GRIK4: variants seen among roughly 807,000 people sequenced by gnomAD.
GRIK4 encodes the protein glutamate receptor ionotropic, kainate 4.
A neutral mutation model predicts 104.9 loss-of-function variants in GRIK4; 40 were observed. The observed-to-expected ratio is 0.38, with a 90% CI of 0.30 to 0.50. The LOEUF (loss-of-function observed/expected upper bound fraction) is 0.50. GRIK4 is among the 20% of genes least tolerant of loss of function. GRIK4 has a pLI of 0.93. For synonymous variants in GRIK4, 485 were observed against 524.9 expected, an observed-to-expected ratio of 0.92 and a Z score of 1.04; for missense variants, 1,047 against 1,308.1, an observed-to-expected ratio of 0.80 and a Z score of 3.08.
chr11:120,528,313 G>A (rs1056693328), intron 1 of GRIK4, among the ~76,000 whole-genome samples: 2 of 152,108 alleles, frequency 1.3e-5, no homozygotes, highest in Non-Finnish European at 2.9e-5. Flanking sequence ...GGGTTTCACA[G>A]TGTTAGCCAG....
chr11:120,539,181 G>T (rs1356344568), intron 1 of GRIK4, among the ~76,000 whole-genome samples: 1 of 152,148 alleles, frequency 6.6e-6, no homozygotes, highest in Non-Finnish European at 1.5e-5. Flanking sequence ...GGGAGGAGAG[G>T]ACAGCCTCTT....
intron 13 of GRIK4, among the ~76,000 whole-genome samples, chr11:120,917,269 A>AAAAAAGAAAG (rs1463389337): frequency 4.3e-5 from 6 of 138,362 alleles, no homozygotes; most frequent in African/African-American, 1.8e-4. Context: ...AAAAAAAAAA[A>AAAAAAGAAAG]AAAGAAAGAA....
chr11:120,741,601 C>G (rs1478071064), intron 3 of GRIK4, among the ~76,000 whole-genome samples: 1 of 152,156 alleles, frequency 6.6e-6, no homozygotes, highest in African/African-American at 2.4e-5. Context: ...CTTAACCACA[C>G]TGTGCAATGC....
At chr11:120,578,810 C>G (rs145658123) in intron 1 of GRIK4, among the ~76,000 whole-genome samples, 1 of 152,200 alleles carries the variant, frequency 6.6e-6, no homozygotes, top group Non-Finnish European at 1.5e-5. Context: ...CTATGTCGTC[C>G]CGCTTCCTCA....
chr11:120,898,220 C>T (rs1401953417), intron 11 of GRIK4, among the ~76,000 whole-genome samples: 2 of 152,212 alleles, frequency 1.3e-5, no homozygotes, highest in Non-Finnish European at 2.9e-5. Flanking sequence ...AATGTGATTC[C>T]ACATGTTCCA....
chr11:120,544,459 T>C (rs1948066247), intron 1 of GRIK4, among the ~76,000 whole-genome samples: 1 of 152,172 alleles, frequency 6.6e-6, no homozygotes, highest in East Asian at 1.9e-4. Context: ...GCCTCCTGAG[T>C]AGCTGGGATT....
Position 120,944,883 on chromosome 11 carries a change from T to A in GRIK4, c.1590+4423T>A, listed in dbSNP as rs78537781. Among the ~76,000 whole-genome samples, 581 of 151,394 alleles carry A rather than the reference T, an allele frequency of 3.8e-3. 3 individuals carry two copies. Among genetic ancestry groups the A allele is most frequent in the African/African-American group, 0.013 (549 of 41,408 alleles). ...GTGCAAAATTAAATGAGAATACATA[T>A]GTAATACACTCATAGCAGTGCCTGA... On this transcript the variant is annotated intron_variant, in intron 14 of 20. Transcript: ENST00000527524.
At chr11:120,849,220 A>G (rs528062368) in intron 8 of GRIK4, among the ~76,000 whole-genome samples, 1 of 152,262 alleles carries the variant, frequency 6.6e-6, no homozygotes, top group East Asian at 1.9e-4. Flanking sequence ...TGGGTGCATC[A>G]GACTGTGCAT....
intron 9 of GRIK4, chr11:120,870,100 G>A (rs1458225142): frequency 6.6e-6 from 1 of 152,238 alleles, no homozygotes; most frequent in East Asian, 1.9e-4. Flanking sequence ...TGAGAAGCAA[G>A]CCCCTCATTC....
At chr11:120,876,604 T>C (rs953912328) in intron 11 of GRIK4, among the ~76,000 whole-genome samples, 6 of 151,814 alleles carry the variant, frequency 4.0e-5, no homozygotes, top group Non-Finnish European at 8.8e-5. Flanking sequence ...CCCTACAAAA[T>C]AGATACTTTT....
intron 9 of GRIK4, chr11:120,873,443 C>T (rs1305588676): frequency 6.6e-6 from 1 of 152,406 alleles, no homozygotes. Context: ...TCTCATGTTC[C>T]TCTTGTTTGT....
Position 120,644,011 on chromosome 11 carries a change from C to CTGTGTGTGTGTGTGTG in GRIK4, c.-158-9655_-158-9640dup, listed in dbSNP as rs369374873. Among the ~76,000 whole-genome samples, 179 of 122,914 alleles carry CTGTGTGTGTGTGTGTG rather than the reference C, an allele frequency of 1.5e-3. 1 individual carries two copies. Among genetic ancestry groups the CTGTGTGTGTGTGTGTG allele is most frequent in the African/African-American group, 5.3e-3 (141 of 26,558 alleles). The allele number at this position is 122,914 out of a possible 152,430, so 80.6% of individuals were successfully genotyped here. On this transcript the variant is annotated intron_variant, in intron 1 of 20. Transcript: ENST00000527524. ...ATGACAAGTTTCCAGGGGAGAGGGT[C>CTGTGTGTGTGTGTGTG]TGTGTGTGTGTGTGTGTGTGTGTGT...
chr11:120,759,166 C>CAAG (rs1951702394), intron 3 of GRIK4, among the ~76,000 whole-genome samples: 1 of 152,164 alleles, frequency 6.6e-6, no homozygotes, highest in Admixed American at 6.5e-5. Context: ...GCCAGGCAAG[C>CAAG]AAGAGCTGGG....
rs576578335 is a variant in GRIK4, at chr11:120,704,510, G to A, written c.82+44110G>A. ...CTTCGAAGCCTGCACGTAATTTACA[G>A]TCTCATTCCTTCTGTTTCTCAAGTG... On this transcript the variant is annotated intron_variant, in intron 3 of 20. Coordinates refer to ENST00000527524, the MANE Select transcript of GRIK4 (RefSeq NM_014619.5). 3.3e-5 allele frequency among the ~76,000 whole-genome samples: 5 copies of A among 152,334 alleles called. No individual in the cohort carries two copies. In the East Asian group the frequency reaches 9.6e-4, roughly 29 times the overall value.
intron 1 of GRIK4, among the ~76,000 whole-genome samples, chr11:120,541,815 G>A (rs1229358363): frequency 6.6e-6 from 1 of 152,068 alleles, no homozygotes; most frequent in Non-Finnish European, 1.5e-5. Flanking sequence ...GAAGATAAAC[G>A]GAAAGGTATC....
intron 13 of GRIK4, among the ~76,000 whole-genome samples, chr11:120,922,324 T>G (rs924446027): frequency 6.6e-6 from 1 of 152,168 alleles, no homozygotes; most frequent in Non-Finnish European, 1.5e-5. Flanking sequence ...CAGTGTGTTC[T>G]CCTGACTGCT....
At position 120,514,427 on chromosome 11, in the gene GRIK4, T is replaced by C. The variant is rs533389601; in HGVS notation, c.-159+2540T>C. On this transcript the variant is annotated intron_variant, in intron 1 of 20. Transcript: ENST00000527524. ...GATGCCTCATCCAAGGCTCCACAGC[T>C]GGGTCCCAGGCCCCTGGACGCTCAG... Among the ~76,000 whole-genome samples, 7 of 152,340 alleles carry C rather than the reference T, an allele frequency of 4.6e-5. No individual in the cohort carries two copies. In the East Asian group the frequency reaches 1.2e-3, roughly 25 times the overall value.
In GRIK4 at chr11:120,883,863, G is replaced by A. The variant is rs11218043; in HGVS notation, c.1164+8620G>A. Among the ~76,000 whole-genome samples, 542 of 152,238 alleles carry A rather than the reference G, an allele frequency of 3.6e-3. 4 individuals are homozygous for A. Among genetic ancestry groups the A allele is most frequent in the African/African-American group, 0.012 (483 of 41,526 alleles). ...TGCCAGTTCCCAGTGACTCTTTTCC[G>A]TGCCTCTTCAGCCAGCTCATGCCTG... is the stretch of plus-strand genomic sequence containing the variant. On this transcript the variant is annotated intron_variant, in intron 11 of 20. Transcript: ENST00000527524.
chr11:120,838,409 T>C (rs1249936320), intron 8 of GRIK4, among the ~76,000 whole-genome samples: 1 of 152,200 alleles, frequency 6.6e-6, no homozygotes, highest in Non-Finnish European at 1.5e-5. Context: ...TTTAGAAAAA[T>C]ATATAGCTCT....
Sources: gnomAD v4.1 joint callset for allele counts (sites outside exome capture counted in the v4.1 genomes callset) on GRCh38, gnomAD v4.1.1 for gene constraint, MANE v1.5 for transcripts, NCBI Gene and HGNC (gene_info 2026-07-23, HGNC 2026-07-21) for gene names.